HDAC9: variants seen among roughly 807,000 people sequenced by gnomAD.
HDAC9 encodes histone deacetylase 9.
A neutral mutation model predicts 139.4 loss-of-function variants in HDAC9; 41 were observed. The observed-to-expected ratio is 0.29, with a 90% confidence interval of 0.23 to 0.38. HDAC9 has a LOEUF of 0.38. Ranked by LOEUF, HDAC9 falls within the 10% of genes least tolerant of loss-of-function variation. The probability of loss-of-function intolerance (pLI) is 1.00; values close to 1 mark genes in which losing one functional copy is unlikely to be tolerated. For missense variants in HDAC9, 1,147 were observed against 1,297.0 expected, an observed-to-expected ratio of 0.88 and a Z score of 1.78; for synonymous variants, 517 against 476.2, an observed-to-expected ratio of 1.09 and a Z score of -1.12.
At chr7:18,366,566 G>C (rs759010624) in intron 1 of HDAC9, among the ~76,000 whole-genome samples, 27 of 152,204 alleles carry the variant, frequency 1.8e-4, no homozygotes, top group South Asian at 2.1e-4. Flanking sequence ...CACTATAAAA[G>C]AGCACAGCTG....
chr7:18,207,734 G>A (rs894011706), intron 2 of HDAC9, among the ~76,000 whole-genome samples: 6 of 151,518 alleles, frequency 4.0e-5, no homozygotes, highest in African/African-American at 1.5e-4. Flanking sequence ...TTATTTTTGA[G>A]AAGGAGTTTT....
intron 2 of HDAC9, among the ~76,000 whole-genome samples, chr7:18,573,953 C>T (rs1174733230): frequency 6.6e-6 from 1 of 152,196 alleles, no homozygotes; most frequent in Non-Finnish European, 1.5e-5. Flanking sequence ...GTGTTTCAGC[C>T]CTGTTCGTGT....
At chr7:18,870,447 G>T (rs1209119733) in intron 21 of HDAC9, among the ~76,000 whole-genome samples, 1 of 151,994 alleles carries the variant, frequency 6.6e-6, no homozygotes. Flanking sequence ...TAGTAAAAAC[G>T]CCATAGGACT....
At chr7:18,954,406 C>G in intron 24 of HDAC9, 176 bp downstream of exon 24, 1 of 526,320 alleles carries the variant, frequency 1.9e-6, no homozygotes, top group Non-Finnish European at 3.3e-6. Context: ...ACACTGATGA[C>G]AAAACGTAGA....
intron 2 of HDAC9, among the ~76,000 whole-genome samples, chr7:18,277,258 A>G (rs926199023): frequency 2.0e-5 from 3 of 152,190 alleles, no homozygotes; most frequent in Admixed American, 6.5e-5. Context: ...CACTGAAGAA[A>G]CAGTGGCAGG....
At chr7:18,197,947 T>C (rs76694818) in intron 2 of HDAC9, among the ~76,000 whole-genome samples, 3,403 of 152,236 alleles carry the variant, frequency 0.022, 65 homozygotes, top group Middle Eastern at 0.037. Flanking sequence ...TGACTCCTTT[T>C]TCAAAAAATG....
intron 2 of HDAC9, among the ~76,000 whole-genome samples, chr7:18,217,801 T>C (rs1424205988): frequency 6.6e-6 from 1 of 152,214 alleles, no homozygotes; most frequent in South Asian, 2.1e-4. Flanking sequence ...ATGTAACAAT[T>C]ACCCTAAAAT....
chr7:18,957,521 C>T (rs187582690), intron 24 of HDAC9, among the ~76,000 whole-genome samples: 63 of 152,228 alleles, frequency 4.1e-4, no homozygotes, highest in Non-Finnish European at 8.8e-4. Context: ...TTGTGTTCCT[C>T]GTTTCCCCTT....
chr7:18,954,012 T>C (rs1782979569), intron 23 of HDAC9, 134 bp from the exon 24 acceptor site: 1 of 653,788 alleles, frequency 1.5e-6, no homozygotes, highest in African/African-American at 1.9e-5. Context: ...CTAGAACTAA[T>C]ATCAGCAAAA....
intron 12 of HDAC9, among the ~76,000 whole-genome samples, chr7:18,721,360 T>G (rs1392360301): frequency 1.3e-5 from 2 of 152,184 alleles, no homozygotes; most frequent in East Asian, 3.8e-4. Context: ...ACTTAATATG[T>G]GATATTAATT....
chr7:18,671,122 C>G (rs1392625696), intron 12 of HDAC9, among the ~76,000 whole-genome samples: 1 of 151,960 alleles, frequency 6.6e-6, no homozygotes, highest in African/African-American at 2.4e-5. Context: ...AGTCCAGTTT[C>G]TAAGCCATCA....
In HDAC9 at chr7:18,341,914, C is replaced by T. The variant is rs547005240; in HGVS notation, c.-42+51399C>T. Among the ~76,000 whole-genome samples, 18 of 151,838 alleles carry T rather than the reference C, an allele frequency of 1.2e-4. No homozygotes were observed. In the South Asian group the frequency reaches 1.5e-3, roughly 12 times the overall value. Reference sequence around the variant, plus strand: ...GAAAACAGTTTTATCCTTTTGGTTCCAGTCAGGCATGACTAGAGTAATGCT... The same window carrying T: ...GAAAACAGTTTTATCCTTTTGGTTCTAGTCAGGCATGACTAGAGTAATGCT... On this transcript the variant is annotated intron_variant, in intron 1 of 3. Coordinates refer to the HDAC9 transcript ENST00000413509.
chr7:18,906,434 G>T (rs1198818862), intron 22 of HDAC9, among the ~76,000 whole-genome samples: 4 of 152,120 alleles, frequency 2.6e-5, no homozygotes, highest in African/African-American at 7.2e-5. Context: ...CGTGAGCCAT[G>T]TTGCCAAATG....
chr7:18,783,084 G>T (rs1351427828), intron 16 of HDAC9, among the ~76,000 whole-genome samples: 1 of 151,984 alleles, frequency 6.6e-6, no homozygotes. Context: ...ACAATTTCTC[G>T]AAATCCTGGG....
chr7:18,215,399 G>C (rs1792234531), intron 2 of HDAC9, among the ~76,000 whole-genome samples: 1 of 152,172 alleles, frequency 6.6e-6, no homozygotes, highest in Non-Finnish European at 1.5e-5. Flanking sequence ...TCAGTTTTCT[G>C]TTAGCATGTA....
intron 12 of HDAC9, among the ~76,000 whole-genome samples, chr7:18,687,489 GATAA>G (rs1049011064): frequency 2.6e-5 from 4 of 151,804 alleles, no homozygotes; most frequent in African/African-American, 9.7e-5. Flanking sequence ...TCTATATTGG[GATAA>G]ATAACATCTA....
intron 1 of HDAC9, among the ~76,000 whole-genome samples, chr7:18,113,260 G>A (rs1031122766): frequency 6.6e-6 from 1 of 152,134 alleles, no homozygotes; most frequent in Non-Finnish European, 1.5e-5. Flanking sequence ...AGATTAAGAG[G>A]TGAATACTAT....
At chr7:18,637,025 C>T (rs1415343610) in intron 8 of HDAC9, among the ~76,000 whole-genome samples, 1 of 152,042 alleles carries the variant, frequency 6.6e-6, no homozygotes, top group Non-Finnish European at 1.5e-5. Flanking sequence ...ACACACTAGA[C>T]TACATTCAGC....
At chr7:18,153,355 G>C (rs1234852116) in intron 1 of HDAC9, among the ~76,000 whole-genome samples, 1 of 151,768 alleles carries the variant, frequency 6.6e-6, no homozygotes, top group Non-Finnish European at 1.5e-5. Flanking sequence ...ATTTTCTGGG[G>C]TCAAATACCC....
Sources: gnomAD v4.1 joint callset for allele counts (sites outside exome capture counted in the v4.1 genomes callset) on GRCh38, gnomAD v4.1.1 for gene constraint, MANE v1.5 for transcripts, NCBI Gene and HGNC (gene_info 2026-07-23, HGNC 2026-07-21) for gene names.